CENPE: variants seen among roughly 807,000 people sequenced by gnomAD.
CENPE encodes the protein centromere-associated protein E.
A neutral mutation model predicts 336.1 loss-of-function variants in CENPE; 145 were observed. The observed-to-expected ratio is 0.43, with a 90% CI of 0.38 to 0.50. The LOEUF (loss-of-function observed/expected upper bound fraction) is 0.50, where lower values mean the gene tolerates loss of function less well. CENPE is among the 20% of genes least tolerant of loss of function. The pLI is 0.00. For missense variants in CENPE, 2,719 were observed against 3,023.3 expected (o/e 0.90, Z 2.36); for synonymous variants, 1,013 against 984.8 (o/e 1.03, Z -0.54).
At chr4:103,140,552 A>G in intron 36 of CENPE, 138 bp from the exon 37 acceptor site, 1 of 708,664 alleles carries the variant, frequency 1.4e-6, no homozygotes, top group African/African-American at 1.8e-5. Flanking sequence ...CTAAATTAGA[A>G]GAGTAAAGTA....
intron 16 of CENPE, among the ~76,000 whole-genome samples, chr4:103,174,112 A>G (rs1755655916): frequency 6.6e-6 from 1 of 151,930 alleles, no homozygotes; most frequent in South Asian, 2.1e-4. Context: ...GAGTCTACCA[A>G]CAGAAGAATG....
rs1560619904 is a variant in CENPE at position 103,141,032 on chromosome 4, C to T, written c.5536G>A (p.Val1846Met). 1 of 1,602,974 alleles carries T rather than the reference C, an allele frequency of 6.2e-7. No individual in the cohort carries two copies. Among genetic ancestry groups the T allele is most frequent in the Non-Finnish European group, 8.5e-7 (1 of 1,172,228 alleles). The change falls in exon 36 of 49, where the codon GTG becomes ATG. Residue 1846 changes from valine to methionine, a missense_variant. Physicochemically the swap from Val to Met is conservative, Grantham distance 21. Around this residue, in one of 5 missense-constraint regions of CENPE, gnomAD observed 2,437 missense variants for 2,513.3 expected, o/e 0.97. Coordinates refer to ENST00000265148, the MANE Select transcript of CENPE (RefSeq NM_001813.3). ...KKDVNETQKKVSEMEQLKKQI... is the reference protein window; with the variant it reads ...KKDVNETQKKMSEMEQLKKQI... ...TTCTTTAGTTGCTCCATTTCAGACACTTTTTTCTGTGTCTCATTGACATCT... is the reference window on the plus strand; with the variant it reads ...TTCTTTAGTTGCTCCATTTCAGACATTTTTTTCTGTGTCTCATTGACATCT...
intron 16 of CENPE, among the ~76,000 whole-genome samples, chr4:103,172,174 T>C (rs1225519607): frequency 6.6e-6 from 1 of 151,958 alleles, no homozygotes; most frequent in Non-Finnish European, 1.5e-5. Context: ...TATAGGCCAA[T>C]ATCCCTGAAG....
At chr4:103,126,472 TA>T (rs1424462461) in intron 42 of CENPE, among the ~76,000 whole-genome samples, 1 of 152,148 alleles carries the variant, frequency 6.6e-6, no homozygotes, top group Non-Finnish European at 1.5e-5. Flanking sequence ...ACTACATTAC[TA>T]AAGGCCTATT....
intron 42 of CENPE, among the ~76,000 whole-genome samples, chr4:103,128,450 A>C (rs1751318873): frequency 6.6e-6 from 1 of 152,162 alleles, no homozygotes; most frequent in African/African-American, 2.4e-5. Flanking sequence ...TACTTCATCC[A>C]ACAACAGCAT....
chr4:103,112,312 T>C (rs1165002537), intron 46 of CENPE, among the ~76,000 whole-genome samples: 2 of 143,380 alleles, frequency 1.4e-5, no homozygotes, highest in Non-Finnish European at 3.1e-5. Flanking sequence ...TTGTACTATA[T>C]ACTTATAAGT....
intron 18 of CENPE, among the ~76,000 whole-genome samples, chr4:103,162,653 G>A (rs915045704): frequency 1.3e-5 from 2 of 150,814 alleles, no homozygotes; most frequent in Non-Finnish European, 2.9e-5. Flanking sequence ...GCTCATGGCA[G>A]CCTCAACCTC....
At chr4:103,116,742 T>C in intron 44 of CENPE, 53 bp from the exon 45 acceptor site, 2 of 918,514 alleles carry the variant, frequency 2.2e-6, no homozygotes. Context: ...CTTCAGTTTC[T>C]CCAGTTGTAA....
chr4:103,177,934 T>G (rs1756016409), intron 13 of CENPE, among the ~76,000 whole-genome samples: 1 of 152,042 alleles, frequency 6.6e-6, no homozygotes, highest in South Asian at 2.1e-4. Flanking sequence ...CTAGACCTCT[T>G]GCTCTCATTG....
intron 37 of CENPE, 65 bp downstream of exon 37, chr4:103,140,191 C>T (rs1752421874): frequency 4.0e-6 from 6 of 1,492,320 alleles, no homozygotes; most frequent in Non-Finnish European, 5.4e-6. Context: ...GTATCTATAT[C>T]TTTTTAATTC....
At chr4:103,140,779 A>T in intron 36 of CENPE, 35 bp downstream of exon 36, 1 of 1,527,448 alleles carries the variant, frequency 6.5e-7, no homozygotes, top group Non-Finnish European at 8.8e-7. Context: ...AAATATGTGA[A>T]TATAATGGTA....
At chr4:103,139,090 TTTTGCATTTCTG>T (rs1752319728) in intron 38 of CENPE, among the ~76,000 whole-genome samples, 1 of 109,642 alleles carries the variant, frequency 9.1e-6, no homozygotes, top group Non-Finnish European at 2.2e-5. Context: ...CCTGTGTACA[TTTTGCATTTCTG>T]ATTAAAAAGT....
intron 16 of CENPE, among the ~76,000 whole-genome samples, chr4:103,169,739 TCTAGAA>T (rs1455749053): frequency 6.6e-6 from 1 of 152,150 alleles, no homozygotes; most frequent in African/African-American, 2.4e-5. Context: ...TCCTCAAGGA[TCTAGAA>T]CTAGAAATAA....
intron 44 of CENPE, among the ~76,000 whole-genome samples, chr4:103,118,766 T>C (rs1489683854): frequency 6.6e-6 from 1 of 152,216 alleles, no homozygotes. Flanking sequence ...GCATCATTAG[T>C]TGATCAGACT....
In CENPE at chr4:103,140,418, T is replaced by G; in HGVS notation, c.5755-4A>C. ...GTTCCTGTTGTATTTCCAGATCCTT[T>G]ATGGTTAGAAGAAATCAAGAAATGT... On this transcript the variant is annotated splice_region_variant and splice_polypyrimidine_tract_variant and intron_variant, in intron 36 of 48. Coordinates refer to ENST00000265148, the MANE Select transcript of CENPE (RefSeq NM_001813.3). The G allele has an allele frequency of 2.6e-6, 4 of 1,565,792 alleles. No individual in the cohort carries two copies. The highest frequency in any genetic ancestry group is 3.5e-6 in the Non-Finnish European group (4 of 1,157,836).
chr4:103,173,263 C>A (rs1755564179), intron 16 of CENPE, among the ~76,000 whole-genome samples: 1 of 151,970 alleles, frequency 6.6e-6, no homozygotes, highest in Non-Finnish European at 1.5e-5. Flanking sequence ...AAAGGATAGT[C>A]TTTCTTCAAT....
chr4:103,139,457 T>C (rs1163883305), intron 38 of CENPE, among the ~76,000 whole-genome samples: 1 of 152,164 alleles, frequency 6.6e-6, no homozygotes, highest in East Asian at 1.9e-4. Flanking sequence ...GAAATGGGAA[T>C]ATTTGCTCTC....
intron 9 of CENPE, among the ~76,000 whole-genome samples, chr4:103,185,277 C>G (rs1485779391): frequency 6.6e-6 from 1 of 150,508 alleles, no homozygotes; most frequent in Admixed American, 6.6e-5. Context: ...TGCACTCCAG[C>G]CTGGGAGACA....
chr4:103,133,070 T>C (rs1751756411), intron 41 of CENPE, among the ~76,000 whole-genome samples, 174 bp from the exon 42 acceptor site: 1 of 150,942 alleles, frequency 6.6e-6, no homozygotes, highest in African/African-American at 2.4e-5. Flanking sequence ...AACTAAGAAA[T>C]ATAATTGTAA....
Sources: gnomAD v4.1 joint callset for allele counts (sites outside exome capture counted in the v4.1 genomes callset) on GRCh38, gnomAD v4.1.1 for gene constraint, gnomAD v4.1.1 regional missense constraint, MANE v1.5 for transcripts, NCBI Gene and HGNC (gene_info 2026-07-23, HGNC 2026-07-21) for gene names.